LDAH: variants seen among roughly 807,000 people sequenced by gnomAD.
LDAH encodes the protein lipid droplet associated hydrolase.
Under a neutral mutation model 29.6 loss-of-function variants are expected in LDAH, and 26 were observed. The observed-to-expected ratio is 0.88, with a 90% CI of 0.64 to 1.22. LDAH has a LOEUF of 1.22. Ranked by LOEUF, LDAH falls within the 50% of genes most tolerant of loss-of-function variation. The pLI is 0.00. For missense variants in LDAH, 344 were observed against 387.3 expected (o/e 0.89, Z 0.94); for synonymous variants, 117 against 133.0 (o/e 0.88, Z 0.83).
intron 1 of LDAH, among the ~76,000 whole-genome samples, chr2:20,815,278 C>A (rs1303221474): frequency 6.6e-6 from 1 of 151,948 alleles, no homozygotes; most frequent in South Asian, 2.1e-4. Flanking sequence ...ACAAGAAAGG[C>A]ATCAGGGACT....
At chr2:20,796,661 C>T (rs1671326465) in intron 2 of LDAH, among the ~76,000 whole-genome samples, 1 of 152,194 alleles carries the variant, frequency 6.6e-6, no homozygotes, top group Non-Finnish European at 1.5e-5. Context: ...ATGCGTATCA[C>T]AGTTCCCTGC....
chr2:20,796,980 C>T lies in LDAH; in HGVS notation c.154+4330G>A, dbSNP rs528901575. The stretch of plus-strand genomic sequence containing the variant: ...CTTCTTTCTAGCCTTAGAAGGATAT[C>T]CCTTCTCGAGTTTAAGATAATGTTT... On this transcript the variant is annotated intron_variant, in intron 2 of 6. Transcript: ENST00000237822. Among the ~76,000 whole-genome samples, 11 of 152,284 alleles carry T rather than the reference C, an allele frequency of 7.2e-5. No homozygotes were observed. In the East Asian group the frequency reaches 1.2e-3, roughly 16 times the overall value.
intron 3 of LDAH, 128 bp from the exon 4 acceptor site, chr2:20,775,107 A>G (rs1471409930): frequency 2.7e-6 from 2 of 742,954 alleles, no homozygotes; most frequent in Non-Finnish European, 2.2e-6. Flanking sequence ...TGCCAGTGAT[A>G]ATATTAGGCA....
intron 6 of LDAH, among the ~76,000 whole-genome samples, chr2:20,695,429 G>C (rs536063666): frequency 2.0e-5 from 3 of 152,024 alleles, no homozygotes; most frequent in African/African-American, 7.2e-5. Context: ...TTTATTGAAT[G>C]CTTAGTGCAT....
chr2:20,714,526 A>C (rs1044589085), intron 5 of LDAH, among the ~76,000 whole-genome samples: 6 of 152,242 alleles, frequency 3.9e-5, no homozygotes, highest in African/African-American at 1.4e-4. Context: ...AGAAATAACT[A>C]AGATCAGAGC....
chr2:20,747,583 G>T (rs999678381), intron 4 of LDAH, among the ~76,000 whole-genome samples: 1 of 152,018 alleles, frequency 6.6e-6, no homozygotes, highest in South Asian at 2.1e-4. Context: ...CTTCTCCTTA[G>T]GATCACACTG....
chr2:20,719,935 C>T (rs1479729380), intron 5 of LDAH, among the ~76,000 whole-genome samples: 4 of 152,042 alleles, frequency 2.6e-5, no homozygotes, highest in African/African-American at 9.7e-5. Context: ...ATAATAAAAA[C>T]TCTCAACAAA....
At chr2:20,781,068 T>C (rs1670161350) in intron 3 of LDAH, among the ~76,000 whole-genome samples, 1 of 152,186 alleles carries the variant, frequency 6.6e-6, no homozygotes, top group South Asian at 2.1e-4. Context: ...TTAGGTAATG[T>C]TTTTATCTGC....
intron 4 of LDAH, among the ~76,000 whole-genome samples, chr2:20,753,361 C>T (rs1668093950): frequency 1.3e-5 from 2 of 152,042 alleles, no homozygotes; most frequent in South Asian, 4.1e-4. Context: ...ACAGTCAGAT[C>T]CTGTATAATT....
chr2:20,685,356 T>C lies in LDAH; in HGVS notation c.*1547A>G. The C allele has an allele frequency of 1.5e-6, 1 of 673,174 alleles. No individual in the cohort carries two copies. The highest frequency in any genetic ancestry group is 2.3e-6 in the Non-Finnish European group (1 of 425,664). The allele number at this position is 673,174 out of a possible 1,614,324, so 41.7% of individuals were successfully genotyped here. On this transcript the variant is annotated 3_prime_UTR_variant, in exon 7 of 7. Transcript: ENST00000237822. Reference sequence around the variant, plus strand: ...ATGATTCCTAGCTTCTAACATCCGATTTCTAGGCCTCTCATGCAGATGCCA... The same window carrying C: ...ATGATTCCTAGCTTCTAACATCCGACTTCTAGGCCTCTCATGCAGATGCCA...
rs1191662842 is a variant in LDAH at position 20,809,770 on chromosome 2, A to G, written c.-2-8305T>C. On this transcript the variant is annotated intron_variant, in intron 1 of 6. Transcript: ENST00000237822. The stretch of plus-strand genomic sequence containing the variant: ...TCTAGAAGAGTAAAAGAATACTGAT[A>G]CAGAAACTATAAATAAAATACCATT... Among the ~76,000 whole-genome samples the G allele has an allele frequency of 3.3e-5, 5 of 152,208 alleles. No homozygotes were observed. In the East Asian group the frequency reaches 9.6e-4, roughly 29 times the overall value.
intron 2 of LDAH, among the ~76,000 whole-genome samples, chr2:20,797,794 A>G (rs1199740551): frequency 6.6e-6 from 1 of 152,226 alleles, no homozygotes; most frequent in Non-Finnish European, 1.5e-5. Flanking sequence ...AAGAAAAGAA[A>G]ATGATATTGC....
At chr2:20,744,561 G>A (rs569518006) in intron 4 of LDAH, among the ~76,000 whole-genome samples, 7 of 152,122 alleles carry the variant, frequency 4.6e-5, no homozygotes, top group Non-Finnish European at 1.0e-4. Flanking sequence ...CCTTCCCTTG[G>A]GTCAGGCTCT....
At chr2:20,817,312 C>A (rs984477400) in intron 1 of LDAH, among the ~76,000 whole-genome samples, 2 of 151,940 alleles carry the variant, frequency 1.3e-5, no homozygotes, top group Admixed American at 6.6e-5. Context: ...TAAAATGACA[C>A]AAATTACTAA....
At chr2:20,815,053 T>A (rs545358485) in intron 1 of LDAH, among the ~76,000 whole-genome samples, 32 of 152,268 alleles carry the variant, frequency 2.1e-4, no homozygotes, top group Admixed American at 7.2e-4. Flanking sequence ...TCCAAGAAAT[T>A]CCATGTATAT....
chr2:20,691,258 T>A (rs1200816798), intron 6 of LDAH, among the ~76,000 whole-genome samples: 1 of 152,232 alleles, frequency 6.6e-6, no homozygotes, highest in Non-Finnish European at 1.5e-5. Context: ...TACTGGAGCC[T>A]TGACCTCCCG....
intron 5 of LDAH, among the ~76,000 whole-genome samples, chr2:20,708,938 A>G (rs1444268376): frequency 6.6e-6 from 1 of 152,208 alleles, no homozygotes; most frequent in Non-Finnish European, 1.5e-5. Context: ...CTCTAGCCAT[A>G]ATATATAAAG....
intron 4 of LDAH, among the ~76,000 whole-genome samples, chr2:20,769,000 C>T (rs1360511512): frequency 1.3e-5 from 2 of 152,270 alleles, no homozygotes; most frequent in East Asian, 3.9e-4. Flanking sequence ...AGCCCATGCT[C>T]CCTAGCCCAG....
intron 5 of LDAH, among the ~76,000 whole-genome samples, chr2:20,731,368 G>C (rs923204902): frequency 2.0e-5 from 3 of 152,114 alleles, no homozygotes; most frequent in African/African-American, 7.2e-5. Flanking sequence ...TCTCAGTCCC[G>C]CTCCTCCCAT....
Sources: allele counts gnomAD v4.1 joint callset (sites outside exome capture counted in the v4.1 genomes callset), GRCh38; gene constraint gnomAD v4.1.1; transcripts MANE v1.5; gene names NCBI Gene and HGNC (gene_info 2026-07-23, HGNC 2026-07-21).